The following TET2 variants were observed in gnomAD, a reference collection of about 807,000 sequenced individuals.
TET2 encodes the protein methylcytosine dioxygenase TET2.
In TET2, 299 loss-of-function variants were observed where a neutral mutation model predicts 142.9. The ratio of observed to expected loss-of-function variants is 2.09; its 90% CI spans 1.90 to 2.30. TET2 has a LOEUF of 2.30. TET2 is among the 30% of genes most tolerant of loss of function. The pLI is 0.00. For synonymous variants in TET2, 819 were observed against 849.0 expected (o/e 0.96, Z 0.61); for missense variants, 2,418 against 2,378.0 (o/e 1.02, Z -0.35).
intron 3 of TET2, chr4:105,237,836 G>T: frequency 9.2e-7 from 1 of 1,090,838 alleles, no homozygotes; most frequent in African/African-American, 1.7e-5. Context: ...GTCTTCATGA[G>T]TTGGGGGAAA....
chr4:105,227,692 TTTTG>T (rs1345057093), intron 2 of TET2, among the ~76,000 whole-genome samples: 1 of 152,186 alleles, frequency 6.6e-6, no homozygotes, highest in Non-Finnish European at 1.5e-5. Flanking sequence ...AAAATTATAT[TTTTG>T]TTCTTAGTCT....
intron 2 of TET2, among the ~76,000 whole-genome samples, chr4:105,222,786 T>C (rs1031795525): frequency 6.6e-6 from 1 of 151,874 alleles, no homozygotes; most frequent in African/African-American, 2.4e-5. Context: ...ATGAAGTCCT[T>C]GCCCGTGCCT....
chr4:105,237,729 A>G (rs1367974145), intron 3 of TET2: 1 of 1,244,146 alleles, frequency 8.0e-7, no homozygotes, highest in African/African-American at 1.6e-5. Flanking sequence ...TAACGACCAT[A>G]GGCAGTCTAA....
chr4:105,269,477 C>A, intron 8 of TET2, 133 bp from the exon 9 acceptor site: 1 of 930,426 alleles, frequency 1.1e-6, no homozygotes, highest in Non-Finnish European at 1.6e-6. Context: ...TTGTGTCATT[C>A]CATTTTGTTT....
chr4:105,237,084 C>T lies in TET2; in HGVS notation c.3142C>T (p.Leu1048Phe). ...GTTATTTGACCATAAGGCTCTTACT[C>T]TCAAATCACAGAAGCAAGTAAAAGT... ...KSLFDHKALT[L>F]KSQKQVKVEM... Residue 1048 changes from leucine (L) to phenylalanine (F), a missense_variant, in exon 3 of 11, where the codon CTC becomes TTC. Transcript: ENST00000380013. The T allele has an allele frequency of 1.2e-6, 2 of 1,614,150 alleles. No individual in the cohort carries two copies. The highest frequency in any genetic ancestry group is 1.1e-5 in the South Asian group (1 of 91,088).
intron 2 of TET2, among the ~76,000 whole-genome samples, chr4:105,212,310 T>A (rs950975202): frequency 6.6e-6 from 1 of 152,338 alleles, no homozygotes; most frequent in South Asian, 2.1e-4. Context: ...ACCTTTCAGA[T>A]TGAGGTCCAG....
intron 3 of TET2, chr4:105,240,558 T>C (rs1729237901): frequency 9.3e-7 from 1 of 1,079,442 alleles, no homozygotes; most frequent in Non-Finnish European, 1.1e-6. Context: ...CCACACTGTG[T>C]AGAAGGATGG....
intron 2 of TET2, among the ~76,000 whole-genome samples, chr4:105,196,436 T>G (rs186491764): frequency 6.6e-6 from 1 of 152,144 alleles, no homozygotes; most frequent in Admixed American, 6.6e-5. Flanking sequence ...CCTGAATAGC[T>G]CTGTGAACCC....
chr4:105,248,054 A>G (rs914263928), intron 6 of TET2, among the ~76,000 whole-genome samples: 2 of 152,198 alleles, frequency 1.3e-5, no homozygotes, highest in Admixed American at 1.3e-4. Context: ...GTGTGCATGT[A>G]TAGTATACAT....
At chr4:105,194,362 T>C (rs1247358261) in intron 2 of TET2, among the ~76,000 whole-genome samples, 1 of 152,186 alleles carries the variant, frequency 6.6e-6, no homozygotes, top group Non-Finnish European at 1.5e-5. Flanking sequence ...TTTACAATGT[T>C]ATCTTTTTAT....
chr4:105,241,085 G>T (rs1729273064), intron 3 of TET2: 2 of 1,092,340 alleles, frequency 1.8e-6, no homozygotes, highest in Non-Finnish European at 1.1e-6. Flanking sequence ...TCATTTATTT[G>T]GTTTAAAATA....
Position 105,234,648 on chromosome 4 carries a change from G to C in TET2, c.706G>C (p.Asp236His). 1 of 1,614,134 alleles carries C rather than the reference G, an allele frequency of 6.2e-7. No individual in the cohort carries two copies. The highest frequency in any genetic ancestry group is 8.5e-7 in the Non-Finnish European group (1 of 1,180,028). Residue 236 changes from aspartate (D) to histidine (H), a missense_variant, in exon 3 of 11, where the codon GAT (aspartate) becomes CAT (histidine). Physicochemically the swap from Asp to His is moderately conservative, Grantham distance 81. Transcript: ENST00000380013. ...LEKTLSQYYP[D>H]CVSIAVQKTT... The stretch of plus-strand genomic sequence containing the variant: ...AAAAACACTGTCTCAATATTATCCA[G>C]ATTGTGTTTCCATTGCGGTGCAGAA...
At chr4:105,264,008 T>A (rs1414868405) in intron 8 of TET2, among the ~76,000 whole-genome samples, 1 of 152,080 alleles carries the variant, frequency 6.6e-6, no homozygotes, top group Non-Finnish European at 1.5e-5. Flanking sequence ...TCTCGTGGGA[T>A]TAGATTAGTT....
chr4:105,241,957 T>C (rs1729328801), intron 4 of TET2: 1 of 1,227,104 alleles, frequency 8.1e-7, no homozygotes, highest in Non-Finnish European at 1.0e-6. Context: ...TTTTTTTCGC[T>C]ATCAATCACA....
intron 8 of TET2, among the ~76,000 whole-genome samples, chr4:105,266,602 C>G (rs1335509132): frequency 1.7e-4 from 26 of 151,852 alleles, no homozygotes; most frequent in Admixed American, 1.7e-3. Flanking sequence ...TATTAAAATA[C>G]CCTACAATGA....
intron 1 of TET2, among the ~76,000 whole-genome samples, chr4:105,173,651 G>T (rs960057710): frequency 6.6e-6 from 1 of 152,136 alleles, no homozygotes; most frequent in Admixed American, 6.5e-5. Flanking sequence ...CTACAAGAAT[G>T]CAAAGGTGAT....
chr4:105,201,447 CTTGTT>C lies in TET2; in HGVS notation c.-47+10945_-47+10949del, dbSNP rs1303350026. Among the ~76,000 whole-genome samples, 247 of 152,194 alleles carry C rather than the reference CTTGTT, an allele frequency of 1.6e-3. 1 individual carries two copies. In the East Asian group the frequency reaches 0.034, roughly 21 times the overall value. The stretch of plus-strand genomic sequence containing the variant: ...CAATAGGGGGTGCATTTGTGCTATG[CTTGTT>C]TTTGTTCCCATTTCAGTGCTCAATT... On this transcript the variant is annotated intron_variant, in intron 2 of 10. Coordinates refer to ENST00000380013, the MANE Select transcript of TET2 (RefSeq NM_001127208.3).
intron 2 of TET2, among the ~76,000 whole-genome samples, chr4:105,211,039 CA>C (rs1727127346): frequency 6.6e-6 from 1 of 152,154 alleles, no homozygotes; most frequent in African/African-American, 2.4e-5. Context: ...AGCCGCACCT[CA>C]AAACACTCCT....
chr4:105,241,391 T>A lies in TET2; in HGVS notation c.3462T>A (p.Gly1154=), dbSNP rs1413755533. Residue 1154 remains glycine, a synonymous_variant, in exon 4 of 11, where the codon GGT becomes GGA. Transcript: ENST00000380013. ...CTTTTTATACCCATCTAGGAGCAGGTCCTAATGTGGCAGCTATTAGAGAAA... is the reference window on the plus strand; with the variant it reads ...CTTTTTATACCCATCTAGGAGCAGGACCTAATGTGGCAGCTATTAGAGAAA... ...EGPFYTHLGA[G]PNVAAIREIM... is the part of the protein sequence containing the mutation. The A allele has an allele frequency of 1.9e-6, 3 of 1,550,828 alleles. No individual in the cohort carries two copies. In the East Asian group the frequency reaches 7.3e-5, roughly 38 times the overall value.
Sources: gnomAD v4.1 joint callset for allele counts (sites outside exome capture counted in the v4.1 genomes callset) on GRCh38, gnomAD v4.1.1 for gene constraint, MANE v1.5 for transcripts, NCBI Gene and HGNC (gene_info 2026-07-23, HGNC 2026-07-21) for gene names.